EPB41L3: variants seen among roughly 807,000 people sequenced by gnomAD.
EPB41L3 encodes band 4.1-like protein 3.
A neutral mutation model predicts 127.1 loss-of-function variants in EPB41L3; 57 were observed. The ratio of observed to expected loss-of-function variants is 0.45; its 90% CI spans 0.36 to 0.56. The LOEUF (loss-of-function observed/expected upper bound fraction) is 0.56. Among genes scored for constraint, EPB41L3 ranks in the 20% least tolerant of loss-of-function variants. The pLI is 0.00. For missense variants in EPB41L3, 1,273 were observed against 1,372.2 expected, an observed-to-expected ratio of 0.93 and a Z score of 1.14; for synonymous variants, 572 against 549.5, an observed-to-expected ratio of 1.04 and a Z score of -0.57.
chr18:5,540,307 T>C, intron 1 of EPB41L3: 2 of 973,276 alleles, frequency 2.1e-6, no homozygotes, highest in Non-Finnish European at 2.4e-6. Flanking sequence ...CAGTCTTATA[T>C]TCATTTACAC....
At chr18:5,621,339 T>G (rs1166892737) in intron 1 of EPB41L3, among the ~76,000 whole-genome samples, 1 of 152,138 alleles carries the variant, frequency 6.6e-6, no homozygotes, top group Admixed American at 6.5e-5. Context: ...ATTTTGTGAG[T>G]GGTGACTGAG....
intron 1 of EPB41L3, among the ~76,000 whole-genome samples, chr18:5,623,936 C>T (rs1386599387): frequency 6.6e-6 from 1 of 152,082 alleles, no homozygotes; most frequent in South Asian, 2.1e-4. Context: ...GGATTATAGG[C>T]AATGTTTTCA....
chr18:5,540,823 G>T (rs1255557010), intron 1 of EPB41L3, among the ~76,000 whole-genome samples: 1 of 152,096 alleles, frequency 6.6e-6, no homozygotes, highest in Non-Finnish European at 1.5e-5. Context: ...GGTGGCTCAC[G>T]CCTGTAATCC....
Position 5,397,333 on chromosome 18 carries a change from C to T in EPB41L3, c.2566G>A (p.Val856Met), listed in dbSNP as rs779756258. 25 of 1,613,888 alleles carry T rather than the reference C, an allele frequency of 1.5e-5. No individual in the cohort carries two copies. Among genetic ancestry groups the T allele is most frequent in the East Asian group, 6.7e-5 (3 of 44,878 alleles). ...LSTEKVVQET[V>M]LVEERRVVHA... ...ACCACACGCCGCTCCTCCACCAACA[C>T]GGTCTCCTGCACCACCTTCTCAGTG... Residue 856 changes from valine (V) to methionine (M), a missense_variant, in exon 18 of 23, where the codon GTG (valine) becomes ATG (methionine). Physicochemically the swap from Val to Met is conservative, Grantham distance 21. Coordinates refer to ENST00000341928, the MANE Select transcript of EPB41L3 (RefSeq NM_012307.5). The surrounding 1 kb of genome is among the most constrained non-coding windows in gnomAD (Gnocchi z 4.1).
chr18:5,434,202 C>CAAAT, intron 6 of EPB41L3, 81 bp from the exon 7 acceptor site: 1 of 1,074,274 alleles, frequency 9.3e-7, no homozygotes, highest in South Asian at 1.4e-5. Flanking sequence ...AAATCGTGGG[C>CAAAT]AAATAATTTC....
intron 1 of EPB41L3, among the ~76,000 whole-genome samples, chr18:5,500,124 A>C (rs982145630): frequency 6.6e-6 from 1 of 152,150 alleles, no homozygotes; most frequent in Non-Finnish European, 1.5e-5. Flanking sequence ...GGAAACCTCA[A>C]ATTGATAAGA....
intron 3 of EPB41L3, among the ~76,000 whole-genome samples, chr18:5,476,415 A>G (rs1210658843): frequency 6.6e-6 from 1 of 152,208 alleles, no homozygotes; most frequent in Non-Finnish European, 1.5e-5. Context: ...AAAATAAAAA[A>G]TTTGTAACCA....
At chr18:5,507,399 T>C (rs1257129022) in intron 1 of EPB41L3, among the ~76,000 whole-genome samples, 2 of 152,166 alleles carry the variant, frequency 1.3e-5, no homozygotes, top group Non-Finnish European at 2.9e-5. Context: ...CATTAAGATA[T>C]TCAGACATTA....
At chr18:5,450,636 G>A (rs9961717) in intron 3 of EPB41L3, among the ~76,000 whole-genome samples, 1 of 150,460 alleles carries the variant, frequency 6.6e-6, no homozygotes, top group East Asian at 2.1e-4. Context: ...AATTAAAAAG[G>A]TTAGTAAAAA....
chr18:5,547,414 A>G (rs542581245), upstream of EPB41L3, among the ~76,000 whole-genome samples: 79 of 152,330 alleles, frequency 5.2e-4, no homozygotes, highest in African/African-American at 1.8e-3. Flanking sequence ...TTAATTTACT[A>G]TGTCCACACA....
At chr18:5,398,431 G>A in intron 16 of EPB41L3, 1 of 437,404 alleles carries the variant, frequency 2.3e-6, no homozygotes, top group Non-Finnish European at 4.0e-6. Flanking sequence ...ATCACATCTT[G>A]GGAACAGGGA....
chr18:5,406,447 T>C (rs1397066313), intron 16 of EPB41L3, among the ~76,000 whole-genome samples: 3 of 152,142 alleles, frequency 2.0e-5, no homozygotes, highest in Admixed American at 2.0e-4. Context: ...AGAAAGCATA[T>C]GCGGAAAAAG....
chr18:5,490,558 T>C (rs192662366), intron 1 of EPB41L3, among the ~76,000 whole-genome samples: 294 of 152,290 alleles, frequency 1.9e-3, no homozygotes, highest in Non-Finnish European at 3.5e-3. Context: ...AAGAGACATA[T>C]CAATTTGGCA....
upstream of EPB41L3, chr18:5,630,443 T>G (rs778380686): frequency 1.7e-5 from 9 of 518,758 alleles, no homozygotes; most frequent in South Asian, 1.1e-4. Flanking sequence ...GGCACAACCT[T>G]CCTTGGAGAA....
intron 16 of EPB41L3, among the ~76,000 whole-genome samples, chr18:5,405,820 CAA>C (rs138889624): frequency 0.79 from 115,622 of 146,704 alleles, 46,739 homozygotes; most frequent in East Asian, 0.91. Context: ...AACTATGTCT[CAA>C]AAAAAAAAAA....
chr18:5,499,847 A>G (rs999805929), intron 1 of EPB41L3, among the ~76,000 whole-genome samples: 3 of 149,844 alleles, frequency 2.0e-5, no homozygotes, highest in African/African-American at 7.4e-5. Context: ...ATATATATAT[A>G]TGGCATTACA....
intron 2 of EPB41L3, among the ~76,000 whole-genome samples, chr18:5,486,747 G>A (rs1362910394): frequency 1.3e-5 from 2 of 152,114 alleles, no homozygotes; most frequent in African/African-American, 4.8e-5. Context: ...CTAATTATCA[G>A]AGAAATGCAA....
At chr18:5,520,194 C>A (rs1568484642) in intron 1 of EPB41L3, among the ~76,000 whole-genome samples, 1 of 152,118 alleles carries the variant, frequency 6.6e-6, no homozygotes. Context: ...AGATTTATTT[C>A]TGAGCTGTAT....
chr18:5,617,737 C>CA (rs201812634), intron 1 of EPB41L3, among the ~76,000 whole-genome samples: 2,094 of 151,926 alleles, frequency 0.014, 24 homozygotes, highest in Non-Finnish European at 0.023. Flanking sequence ...ATCAGAAGAA[C>CA]AAAAAAATGT....
Sources: allele counts gnomAD v4.1 joint callset (sites outside exome capture counted in the v4.1 genomes callset), GRCh38; gene constraint gnomAD v4.1.1; non-coding constraint Gnocchi (gnomAD v3.1); transcripts MANE v1.5; gene names NCBI Gene and HGNC (gene_info 2026-07-23, HGNC 2026-07-21).